Variants in TRAPPC9 observed in about 807,000 individuals in gnomAD.
TRAPPC9 encodes the protein trafficking protein particle complex subunit 9.
TRAPPC9 carries 83 observed loss-of-function variants against 124.0 expected under a neutral mutation model. The ratio of observed to expected loss-of-function variants is 0.67; its 90% CI spans 0.56 to 0.80. The LOEUF is 0.80. TRAPPC9 is among the 30% of genes least tolerant of loss of function. The pLI, the probability that TRAPPC9 is intolerant of heterozygous loss-of-function variation, is 0.00. For synonymous variants in TRAPPC9, 638 were observed against 617.5 expected (o/e 1.03, Z -0.49); for missense variants, 1,302 against 1,508.3 (o/e 0.86, Z 2.27).
chr8:140,006,587 G>A (rs571419742), intron 18 of TRAPPC9, among the ~76,000 whole-genome samples: 1 of 152,270 alleles, frequency 6.6e-6, no homozygotes, highest in South Asian at 2.1e-4. Context: ...TAGCAGAAAA[G>A]TGCAATCAAC....
intron 9 of TRAPPC9, among the ~76,000 whole-genome samples, chr8:140,313,295 C>G (rs1001151580): frequency 3.3e-5 from 5 of 152,048 alleles, no homozygotes; most frequent in African/African-American, 1.2e-4. Context: ...ATTCTACCAC[C>G]CCATACACAC....
intron 17 of TRAPPC9, among the ~76,000 whole-genome samples, chr8:140,166,987 C>T (rs1318173007): frequency 1.3e-5 from 2 of 152,130 alleles, no homozygotes; most frequent in Non-Finnish European, 2.9e-5. Context: ...TTAGCTTGTT[C>T]GAATGCAAAA....
chr8:139,999,195 C>CAA (rs201460981), intron 18 of TRAPPC9, among the ~76,000 whole-genome samples: 51 of 148,382 alleles, frequency 3.4e-4, no homozygotes, highest in African/African-American at 1.3e-3. Flanking sequence ...TACGTTTAAA[C>CAA]AAAAAAAAAC....
chr8:140,272,401 G>GGTA (rs2064971484), intron 15 of TRAPPC9, among the ~76,000 whole-genome samples: 1 of 146,532 alleles, frequency 6.8e-6, no homozygotes, highest in Non-Finnish European at 1.5e-5. Flanking sequence ...TGGTGGCGAT[G>GGTA]GTGATAATGG....
chr8:140,236,709 G>A (rs1344072498), intron 16 of TRAPPC9, among the ~76,000 whole-genome samples: 1 of 152,004 alleles, frequency 6.6e-6, no homozygotes, highest in African/African-American at 2.4e-5. Context: ...GAGAATATGA[G>A]GCAATATTTT....
intron 10 of TRAPPC9, among the ~76,000 whole-genome samples, chr8:140,311,027 A>G (rs1588134902): frequency 6.6e-6 from 1 of 152,256 alleles, no homozygotes; most frequent in East Asian, 1.9e-4. Context: ...TTTAGTGGGC[A>G]TGGAATTGCA....
chr8:140,458,501 G>C (rs771814582), upstream of TRAPPC9: 3 of 1,579,878 alleles, frequency 1.9e-6, no homozygotes, highest in Non-Finnish European at 2.6e-6. Flanking sequence ...CGTGAGGTGC[G>C]AGCCCCAGCC....
intron 19 of TRAPPC9, among the ~76,000 whole-genome samples, chr8:139,961,072 C>T (rs1196147158): frequency 8.0e-6 from 1 of 124,796 alleles, no homozygotes; most frequent in East Asian, 2.2e-4. Context: ...GATTACAGGA[C>T]ATGAGATCCC....
chr8:139,950,631 G>T (rs1834576058), intron 19 of TRAPPC9, among the ~76,000 whole-genome samples: 1 of 152,148 alleles, frequency 6.6e-6, no homozygotes, highest in African/African-American at 2.4e-5. Context: ...TCCAAGAACT[G>T]GTGATAAAAG....
chr8:140,323,493 A>G (rs915475188), intron 9 of TRAPPC9, among the ~76,000 whole-genome samples: 6 of 152,106 alleles, frequency 3.9e-5, no homozygotes, highest in Non-Finnish European at 7.4e-5. Context: ...TGGACTCTCA[A>G]TCTGTGGGAT....
chr8:140,122,878 G>A (rs1455013357), intron 17 of TRAPPC9, among the ~76,000 whole-genome samples: 1 of 152,178 alleles, frequency 6.6e-6, no homozygotes, highest in Non-Finnish European at 1.5e-5. Context: ...GTGAGGCTGG[G>A]GTCAGAAACA....
intron 9 of TRAPPC9, among the ~76,000 whole-genome samples, chr8:140,323,134 T>C (rs2066642176): frequency 6.6e-6 from 1 of 152,098 alleles, no homozygotes; most frequent in Admixed American, 6.6e-5. Flanking sequence ...CATGGCTATG[T>C]CATGAAGCCT....
intron 17 of TRAPPC9, among the ~76,000 whole-genome samples, chr8:140,105,956 C>T (rs767414945): frequency 1.4e-4 from 21 of 149,440 alleles, no homozygotes; most frequent in African/African-American, 2.0e-4. Flanking sequence ...GCAGAAAGGA[C>T]GAGAACGAGC....
At chr8:139,970,799 G>A (rs1836009422) in intron 19 of TRAPPC9, among the ~76,000 whole-genome samples, 1 of 152,148 alleles carries the variant, frequency 6.6e-6, no homozygotes. Flanking sequence ...GCGCAGCCCA[G>A]TGCCCTTTGT....
chr8:140,141,100 A>G (rs144386923), intron 17 of TRAPPC9, among the ~76,000 whole-genome samples: 330 of 152,346 alleles, frequency 2.2e-3, no homozygotes, highest in African/African-American at 7.1e-3. Context: ...GGCATTCCTC[A>G]TGGGAGAGTT....
chr8:140,251,462 TA>T (rs766722893), intron 16 of TRAPPC9, among the ~76,000 whole-genome samples: 2 of 152,272 alleles, frequency 1.3e-5, no homozygotes, highest in East Asian at 1.9e-4. Context: ...TATCCAACCC[TA>T]AATCTGTTTT....
At chr8:140,289,698 T>G (rs903765276) in intron 12 of TRAPPC9, among the ~76,000 whole-genome samples, 17 of 150,660 alleles carry the variant, frequency 1.1e-4, no homozygotes, top group African/African-American at 3.9e-4. Context: ...AAAAAAAATG[T>G]GTAAGAAAGA....
intron 21 of TRAPPC9, among the ~76,000 whole-genome samples, chr8:139,854,574 G>T (rs577888012): frequency 2.0e-5 from 3 of 152,218 alleles, no homozygotes; most frequent in Non-Finnish European, 4.4e-5. Context: ...TCCACTTCCA[G>T]CTATGTGGCT....
chr8:140,173,630 G>T (rs2062009278), intron 17 of TRAPPC9, among the ~76,000 whole-genome samples: 1 of 151,674 alleles, frequency 6.6e-6, no homozygotes, highest in South Asian at 2.1e-4. Context: ...ATTGCCTTCA[G>T]TCAGGGTACA....
Sources: allele counts gnomAD v4.1 joint callset (sites outside exome capture counted in the v4.1 genomes callset), GRCh38; gene constraint gnomAD v4.1.1; transcripts MANE v1.5; gene names NCBI Gene and HGNC (gene_info 2026-07-23, HGNC 2026-07-21).